PTPRK: variants seen among roughly 807,000 people sequenced by gnomAD.
PTPRK encodes the protein protein tyrosine phosphatase receptor type K, also known as receptor-type tyrosine-protein phosphatase kappa.
PTPRK carries 75 observed loss-of-function variants against 178.0 expected under a neutral mutation model. That is an observed-to-expected ratio of 0.42 (90% CI 0.35 to 0.51). The LOEUF (loss-of-function observed/expected upper bound fraction) is 0.51. Ranked by LOEUF, PTPRK falls within the 20% of genes least tolerant of loss-of-function variation. The probability of loss-of-function intolerance (pLI) is 0.02; values close to 1 mark genes in which losing one functional copy is unlikely to be tolerated. For synonymous variants in PTPRK, 637 were observed against 620.6 expected, an observed-to-expected ratio of 1.03 and a Z score of -0.39; for missense variants, 1,441 against 1,797.8, an observed-to-expected ratio of 0.80 and a Z score of 3.59.
At chr6:128,113,062 T>C (rs904945935) in intron 7 of PTPRK, among the ~76,000 whole-genome samples, 1 of 152,064 alleles carries the variant, frequency 6.6e-6, no homozygotes, top group African/African-American at 2.4e-5. Flanking sequence ...TCTGAAATTA[T>C]CCATCCTCAC....
At chr6:128,250,133 G>A (rs904880616) in intron 3 of PTPRK, among the ~76,000 whole-genome samples, 2 of 152,182 alleles carry the variant, frequency 1.3e-5, no homozygotes, top group African/African-American at 4.8e-5. Context: ...ATGATTATGA[G>A]GCCTTTAGCT....
intron 21 of PTPRK, among the ~76,000 whole-genome samples, chr6:127,990,301 T>C (rs1359315727): frequency 2.0e-5 from 3 of 152,098 alleles, no homozygotes; most frequent in African/African-American, 7.2e-5. Context: ...GCTTCTGAAA[T>C]GACTCTCCCC....
intron 6 of PTPRK, among the ~76,000 whole-genome samples, chr6:128,218,516 G>A (rs964737669): frequency 2.0e-5 from 3 of 152,086 alleles, no homozygotes; most frequent in African/African-American, 7.2e-5. Context: ...AAATTTGTAG[G>A]ACTATATGGA....
At chr6:128,099,035 A>G (rs1236232023) in intron 7 of PTPRK, among the ~76,000 whole-genome samples, 4 of 151,966 alleles carry the variant, frequency 2.6e-5, no homozygotes, top group Non-Finnish European at 4.4e-5. Flanking sequence ...GTAGGTTACC[A>G]GTAACTTACC....
chr6:128,020,848 C>T (rs1288593888), intron 13 of PTPRK, among the ~76,000 whole-genome samples: 1 of 152,092 alleles, frequency 6.6e-6, no homozygotes, highest in African/African-American at 2.4e-5. Flanking sequence ...TTGAGTAGGT[C>T]ATTTTCCACC....
intron 2 of PTPRK, among the ~76,000 whole-genome samples, chr6:128,391,212 C>T (rs1037323785): frequency 7.9e-5 from 12 of 152,152 alleles, no homozygotes; most frequent in Admixed American, 6.5e-5. Context: ...GAAGTTTTCA[C>T]GCTCCTTAGA....
intron 7 of PTPRK, among the ~76,000 whole-genome samples, chr6:128,144,188 A>T (rs117430958): frequency 0.025 from 3,868 of 152,290 alleles, 74 homozygotes; most frequent in Middle Eastern, 0.095. Context: ...TTCTCAGATT[A>T]TCTATAGTGA....
intron 7 of PTPRK, among the ~76,000 whole-genome samples, chr6:128,146,664 G>A (rs990585231): frequency 1.3e-5 from 2 of 151,832 alleles, no homozygotes; most frequent in African/African-American, 4.8e-5. Context: ...TCCTGACCTC[G>A]TGATCCGCCC....
chr6:128,173,235 T>C (rs533944285), intron 7 of PTPRK, among the ~76,000 whole-genome samples: 40 of 152,116 alleles, frequency 2.6e-4, no homozygotes, highest in Middle Eastern at 3.4e-3. Flanking sequence ...TGAACAAATT[T>C]AAATACTTGT....
chr6:128,445,673 T>C (rs1846916586), intron 1 of PTPRK, among the ~76,000 whole-genome samples: 1 of 152,168 alleles, frequency 6.6e-6, no homozygotes, highest in South Asian at 2.1e-4. Flanking sequence ...TATTTGATTT[T>C]TTTAAATGTT....
At chr6:128,465,122 A>G (rs914144327) in intron 1 of PTPRK, among the ~76,000 whole-genome samples, 2 of 151,544 alleles carry the variant, frequency 1.3e-5, no homozygotes, top group African/African-American at 4.8e-5. Flanking sequence ...ACCAATTGAG[A>G]GTAAAGACAA....
intron 16 of PTPRK, 36 bp from the exon 17 acceptor site, chr6:127,997,024 A>G (rs1777228816): frequency 6.3e-7 from 1 of 1,587,958 alleles, no homozygotes; most frequent in African/African-American, 1.3e-5. Context: ...ACTGAATTTA[A>G]TTCCTTTTTA....
intron 2 of PTPRK, among the ~76,000 whole-genome samples, chr6:128,379,360 A>G (rs990920145): frequency 4.6e-5 from 7 of 152,178 alleles, no homozygotes; most frequent in African/African-American, 1.4e-4. Flanking sequence ...GGAATAATTA[A>G]AGATCCAAGT....
chr6:128,264,295 C>T (rs1175635439), intron 3 of PTPRK, among the ~76,000 whole-genome samples: 3 of 152,016 alleles, frequency 2.0e-5, no homozygotes, highest in Non-Finnish European at 4.4e-5. Context: ...AGAAGAACAG[C>T]CCACTATTTT....
intron 3 of PTPRK, among the ~76,000 whole-genome samples, chr6:128,275,508 A>G (rs550628446): frequency 6.6e-6 from 1 of 152,058 alleles, no homozygotes; most frequent in African/African-American, 2.4e-5. Context: ...TCTAAAGAAA[A>G]AAGAGCTAAT....
chr6:128,191,078 ACC>A (rs1360896209), intron 6 of PTPRK, among the ~76,000 whole-genome samples: 1 of 152,212 alleles, frequency 6.6e-6, no homozygotes, highest in Non-Finnish European at 1.5e-5. Flanking sequence ...ACTTCTGAGA[ACC>A]ATGAAATAAG....
At chr6:128,256,243 T>C (rs1294663914) in intron 3 of PTPRK, among the ~76,000 whole-genome samples, 1 of 152,120 alleles carries the variant, frequency 6.6e-6, no homozygotes, top group East Asian at 1.9e-4. Context: ...TTACTCCACC[T>C]GGGAAAACAG....
At chr6:128,232,064 C>A (rs1464997312) in intron 5 of PTPRK, 3 of 152,220 alleles carry the variant, frequency 2.0e-5, no homozygotes, top group Non-Finnish European at 4.4e-5. Context: ...TGGTCTAGTA[C>A]CAACTTTTCC....
chr6:128,470,752 T>C (rs944028238), intron 1 of PTPRK, among the ~76,000 whole-genome samples: 11 of 143,126 alleles, frequency 7.7e-5, no homozygotes, highest in African/African-American at 2.1e-4. Flanking sequence ...TCTCTCTCTT[T>C]TTTTTTTTTT....
Sources: allele counts gnomAD v4.1 joint callset (sites outside exome capture counted in the v4.1 genomes callset), GRCh38; gene constraint gnomAD v4.1.1; transcripts MANE v1.5; gene names NCBI Gene and HGNC (gene_info 2026-07-23, HGNC 2026-07-21).